The following DTL variants were observed in gnomAD, a reference collection of about 807,000 sequenced individuals.
DTL encodes the protein denticleless E3 ubiquitin protein ligase adapter.
Under a neutral mutation model 87.0 loss-of-function variants are expected in DTL, and 46 were observed. That is an observed-to-expected ratio of 0.53 (90% CI 0.42 to 0.68). DTL has a LOEUF of 0.68. Ranked by LOEUF, DTL falls within the 30% of genes least tolerant of loss-of-function variation. DTL has a pLI of 0.00. For synonymous variants in DTL, 308 were observed against 311.2 expected (o/e 0.99, Z 0.11); for missense variants, 737 against 869.4 (o/e 0.85, Z 1.91).
At chr1:212,082,700 A>T (rs1328639927) in intron 13 of DTL, among the ~76,000 whole-genome samples, 1 of 152,304 alleles carries the variant, frequency 6.6e-6, no homozygotes, top group African/African-American at 2.4e-5. Flanking sequence ...TTCTGTTCTG[A>T]TGTTAAAACA....
At chr1:212,078,008 C>T (rs920199834) in intron 11 of DTL, among the ~76,000 whole-genome samples, 165 bp from the exon 12 acceptor site, 1 of 103,262 alleles carries the variant, frequency 9.7e-6, no homozygotes, top group African/African-American at 3.7e-5. Flanking sequence ...TATTTCATTG[C>T]CCATTGGAAA....
At chr1:212,072,380 A>G (rs1022570811) in intron 11 of DTL, among the ~76,000 whole-genome samples, 167 bp downstream of exon 11, 4 of 152,236 alleles carry the variant, frequency 2.6e-5, no homozygotes, top group Non-Finnish European at 5.9e-5. Flanking sequence ...ACCTTACTCT[A>G]CTACAGAATG....
chr1:212,078,038 T>G (rs1172618119), intron 11 of DTL, 135 bp from the exon 12 acceptor site: 1 of 490,828 alleles, frequency 2.0e-6, no homozygotes, highest in Non-Finnish European at 3.7e-6. Flanking sequence ...TTTTTTTTCC[T>G]AACTATAGCT....
chr1:212,040,627 G>A (rs1667611668), intron 1 of DTL, among the ~76,000 whole-genome samples: 1 of 152,196 alleles, frequency 6.6e-6, no homozygotes, highest in Non-Finnish European at 1.5e-5. Context: ...GAATGACGTA[G>A]GCAGGCACTG....
chr1:212,088,685 C>T (rs1055551490), intron 13 of DTL, among the ~76,000 whole-genome samples: 1 of 152,216 alleles, frequency 6.6e-6, no homozygotes, highest in African/African-American at 2.4e-5. Flanking sequence ...TGTGACAGTA[C>T]ACAGCTTGTT....
intron 11 of DTL, among the ~76,000 whole-genome samples, chr1:212,074,933 T>G (rs534003597): frequency 3.0e-4 from 46 of 152,228 alleles, no homozygotes; most frequent in South Asian, 1.7e-3. Flanking sequence ...TTAAAAAGAT[T>G]TAATATTATA....
intron 10 of DTL, among the ~76,000 whole-genome samples, chr1:212,070,635 T>G (rs959077162): frequency 7.0e-5 from 6 of 86,250 alleles, no homozygotes; most frequent in African/African-American, 1.7e-4. Flanking sequence ...GAATGACAAC[T>G]GTGTGTGTGT....
chr1:212,044,273 A>T (rs1415030081), intron 2 of DTL, among the ~76,000 whole-genome samples: 1 of 152,126 alleles, frequency 6.6e-6, no homozygotes, highest in Non-Finnish European at 1.5e-5. Context: ...TAAATAAGAG[A>T]TTATCTGAAG....
intron 13 of DTL, among the ~76,000 whole-genome samples, chr1:212,085,933 A>G (rs1384815694): frequency 1.3e-5 from 2 of 152,336 alleles, no homozygotes; most frequent in South Asian, 2.1e-4. Context: ...CCAAAAATCA[A>G]TTGACCATAA....
At chr1:212,066,758 T>C in intron 7 of DTL, 54 bp from the exon 8 acceptor site, 1 of 1,549,064 alleles carries the variant, frequency 6.5e-7, no homozygotes, top group Non-Finnish European at 8.9e-7. Context: ...GTTCCCTTGA[T>C]GGTAAAGATT....
chr1:212,038,000 G>C (rs1368592582), intron 1 of DTL, among the ~76,000 whole-genome samples: 1 of 152,092 alleles, frequency 6.6e-6, no homozygotes, highest in Non-Finnish European at 1.5e-5. Context: ...TGGGTGCCCG[G>C]AGCCTATCCT....
intron 13 of DTL, among the ~76,000 whole-genome samples, chr1:212,089,149 C>T (rs1192726931): frequency 6.6e-6 from 1 of 152,176 alleles, no homozygotes; most frequent in East Asian, 1.9e-4. Context: ...AAGGAACTGA[C>T]TTTAGGAAGC....
intron 5 of DTL, among the ~76,000 whole-genome samples, chr1:212,050,496 A>G (rs764689538): frequency 6.6e-6 from 1 of 152,204 alleles, no homozygotes; most frequent in East Asian, 1.9e-4. Flanking sequence ...AAACTTACCT[A>G]TATTTACACC....
chr1:212,043,828 CAAAAAAAAA>C (rs35962372), intron 2 of DTL, among the ~76,000 whole-genome samples: 5,244 of 83,698 alleles, frequency 0.063, 156 homozygotes, highest in Non-Finnish European at 0.097. Context: ...ACTTCATCTC[CAAAAAAAAA>C]AAAAAAAAAG....
chr1:212,044,619 T>C, intron 2 of DTL, 41 bp from the exon 3 acceptor site: 1 of 1,165,746 alleles, frequency 8.6e-7, no homozygotes, highest in Non-Finnish European at 1.2e-6. Flanking sequence ...AAAAAAAAAA[T>C]TGTGTTACTC....
At chr1:212,070,802 G>A (rs987068514) in intron 10 of DTL, among the ~76,000 whole-genome samples, 1 of 152,166 alleles carries the variant, frequency 6.6e-6, no homozygotes, top group Non-Finnish European at 1.5e-5. Flanking sequence ...ACCAAAGCAA[G>A]ATTAAATTGA....
chr1:212,085,660 C>T (rs201837517), intron 13 of DTL, among the ~76,000 whole-genome samples: 1 of 131,822 alleles, frequency 7.6e-6, no homozygotes, highest in African/African-American at 2.5e-5. Context: ...TTCAGTTTAT[C>T]TGTTTTTTCC....
chr1:212,059,252 G>C (rs1280883704), intron 5 of DTL, among the ~76,000 whole-genome samples: 1 of 151,120 alleles, frequency 6.6e-6, no homozygotes, highest in Admixed American at 6.6e-5. Context: ...TACGGACATA[G>C]ATGCAAAAAT....
At chr1:212,046,966 T>C (rs1667826240) in intron 3 of DTL, among the ~76,000 whole-genome samples, 185 bp from the exon 4 acceptor site, 1 of 152,214 alleles carries the variant, frequency 6.6e-6, no homozygotes, top group African/African-American at 2.4e-5. Context: ...TTTCTTGACT[T>C]TTTAAATAAT....
Sources: allele counts gnomAD v4.1 joint callset (sites outside exome capture counted in the v4.1 genomes callset), GRCh38; gene constraint gnomAD v4.1.1; transcripts MANE v1.5; gene names NCBI Gene and HGNC (gene_info 2026-07-23, HGNC 2026-07-21).